The following DOCK4 variants were observed in gnomAD, a reference collection of about 807,000 sequenced individuals.
The protein encoded by DOCK4 is dedicator of cytokinesis 4, also known as dedicator of cytokinesis protein 4.
In DOCK4, 97 loss-of-function variants were observed where a neutral mutation model predicts 268.1. The observed-to-expected ratio is 0.36, with a 90% CI of 0.31 to 0.43. The LOEUF is 0.43. DOCK4 is among the 20% of genes least tolerant of loss of function. The pLI, the probability that DOCK4 is intolerant of heterozygous loss-of-function variation, is 1.00. For missense variants in DOCK4, 2,145 were observed against 2,455.7 expected (o/e 0.87, Z 2.67); for synonymous variants, 954 against 887.2 (o/e 1.08, Z -1.34).
intron 1 of DOCK4, among the ~76,000 whole-genome samples, chr7:112,069,100 A>G (rs540997281): frequency 1.3e-5 from 2 of 152,282 alleles, no homozygotes; most frequent in Admixed American, 6.5e-5. Flanking sequence ...GGCTATTCTG[A>G]GTGCCCAAAT....
intron 4 of DOCK4, among the ~76,000 whole-genome samples, chr7:111,997,112 G>C (rs1205003575): frequency 6.6e-6 from 1 of 152,204 alleles, no homozygotes; most frequent in Non-Finnish European, 1.5e-5. Context: ...AGAAGGATCA[G>C]AACAAAGAGT....
chr7:111,741,035 C>A, intron 47 of DOCK4, 59 bp downstream of exon 47: 2 of 1,597,854 alleles, frequency 1.3e-6, no homozygotes, highest in Non-Finnish European at 1.7e-6. Context: ...TGAACAGAAA[C>A]ACTCATGATT....
intron 12 of DOCK4, among the ~76,000 whole-genome samples, chr7:111,917,537 C>G (rs2134548432): frequency 6.6e-6 from 1 of 151,664 alleles, no homozygotes; most frequent in East Asian, 2.0e-4. Context: ...CAAGGTGAAA[C>G]CCCACCTCTA....
chr7:111,863,495 C>T lies in DOCK4; in HGVS notation c.2350G>A (p.Ala784Thr), dbSNP rs1380974227. The T allele has an allele frequency of 6.2e-7, 1 of 1,613,888 alleles. No homozygotes were observed. Among genetic ancestry groups the T allele is most frequent in the Admixed American group, 1.7e-5 (1 of 60,010 alleles). Residue 784 changes from alanine (A) to threonine (T), a missense_variant, in exon 23 of 53, where the codon GCC becomes ACC. Ala to Thr is a moderately conservative substitution (Grantham distance 58, BLOSUM62 0). Transcript: ENST00000428084. Reference protein sequence around the residue: ...LLKLFDVREVANLVQDTLGSL... With the variant: ...LLKLFDVREVTNLVQDTLGSL... ...CCCAGGGTGTCCTGGACCAAGTTGG[C>T]TACTTCCCGGACATCAAAGAGCTTC...
At chr7:112,006,036 C>T (rs1010635278) in intron 1 of DOCK4, among the ~76,000 whole-genome samples, 14 of 152,216 alleles carry the variant, frequency 9.2e-5, no homozygotes, top group Admixed American at 6.5e-4. Flanking sequence ...CTTCTCCACA[C>T]CTTCTTTCTT....
intron 30 of DOCK4, among the ~76,000 whole-genome samples, chr7:111,807,056 G>C (rs955778698): frequency 6.6e-6 from 1 of 152,184 alleles, no homozygotes; most frequent in Non-Finnish European, 1.5e-5. Flanking sequence ...AGCTATTATG[G>C]TTTGGATACA....
intron 1 of DOCK4, among the ~76,000 whole-genome samples, chr7:112,028,778 A>G (rs1273472355): frequency 6.6e-6 from 1 of 152,174 alleles, no homozygotes; most frequent in Non-Finnish European, 1.5e-5. Flanking sequence ...TCTTGCTACA[A>G]AAAGTCTCTA....
At chr7:112,118,324 AT>A (rs1812369410) in intron 1 of DOCK4, among the ~76,000 whole-genome samples, 1 of 152,158 alleles carries the variant, frequency 6.6e-6, no homozygotes, top group Non-Finnish European at 1.5e-5. Context: ...TCACTAAGTA[AT>A]TTATTGTCAT....
At chr7:111,919,459 G>T (rs1792916718) in intron 12 of DOCK4, among the ~76,000 whole-genome samples, 1 of 152,152 alleles carries the variant, frequency 6.6e-6, no homozygotes, top group South Asian at 2.1e-4. Flanking sequence ...AGGACAAATA[G>T]ACAAAATAGT....
intron 12 of DOCK4, among the ~76,000 whole-genome samples, chr7:111,925,779 T>C (rs17159011): frequency 0.011 from 1,626 of 152,128 alleles, 43 homozygotes; most frequent in African/African-American, 0.037. Flanking sequence ...TCAAAACCAA[T>C]TTAAAATGAA....
chr7:112,162,281 A>T (rs1817196615), intron 1 of DOCK4, among the ~76,000 whole-genome samples: 1 of 151,878 alleles, frequency 6.6e-6, no homozygotes, highest in Non-Finnish European at 1.5e-5. Context: ...TCCCCTGCAG[A>T]GCCTCCCCTC....
intron 1 of DOCK4, among the ~76,000 whole-genome samples, chr7:112,039,895 G>A (rs1454374471): frequency 2.0e-5 from 3 of 151,964 alleles, no homozygotes; most frequent in Non-Finnish European, 2.9e-5. Flanking sequence ...CTCTATACTC[G>A]TGCTTGGCCT....
At chr7:112,019,189 A>G (rs1802106453) in intron 1 of DOCK4, among the ~76,000 whole-genome samples, 2 of 152,224 alleles carry the variant, frequency 1.3e-5, no homozygotes, top group Admixed American at 6.5e-5. Flanking sequence ...TCAACGTTCA[A>G]AAATTAAATT....
chr7:111,969,557 C>A (rs987809047), intron 8 of DOCK4, among the ~76,000 whole-genome samples: 1 of 151,044 alleles, frequency 6.6e-6, no homozygotes, highest in Non-Finnish European at 1.5e-5. Context: ...AAAATTCAAA[C>A]AATCCTGCAA....
At chr7:111,960,505 C>G (rs188779075) in intron 8 of DOCK4, among the ~76,000 whole-genome samples, 1 of 147,280 alleles carries the variant, frequency 6.8e-6, no homozygotes, top group East Asian at 2.0e-4. Flanking sequence ...AGGTAAAACA[C>G]GTGCTTTACC....
At chr7:111,816,557 G>C (rs904428153) in intron 27 of DOCK4, among the ~76,000 whole-genome samples, 1 of 152,190 alleles carries the variant, frequency 6.6e-6, no homozygotes, top group Non-Finnish European at 1.5e-5. Flanking sequence ...AGGTGATTCT[G>C]ATGCATGTGG....
chr7:111,840,937 A>G, intron 25 of DOCK4: 1 of 844,840 alleles, frequency 1.2e-6, no homozygotes, highest in African/African-American at 1.7e-5. Flanking sequence ...TGTGAAAGAC[A>G]AGACCAGGGC....
chr7:111,979,748 T>C (rs940287686), intron 7 of DOCK4, among the ~76,000 whole-genome samples: 6 of 152,304 alleles, frequency 3.9e-5, no homozygotes, highest in African/African-American at 1.4e-4. Flanking sequence ...TATCCTCTCT[T>C]AACCTCAAAT....
At chr7:112,048,389 CA>C (rs59810546) in intron 1 of DOCK4, among the ~76,000 whole-genome samples, 11,519 of 72,054 alleles carry the variant, frequency 0.16, 433 homozygotes, top group East Asian at 0.41. Flanking sequence ...ACTAAAAATA[CA>C]AAAAAAAAAA....
Sources: allele counts gnomAD v4.1 joint callset (sites outside exome capture counted in the v4.1 genomes callset), GRCh38; gene constraint gnomAD v4.1.1; transcripts MANE v1.5; gene names NCBI Gene and HGNC (gene_info 2026-07-23, HGNC 2026-07-21).